The following FMNL2 variants were observed in gnomAD, a reference collection of about 807,000 sequenced individuals.
FMNL2 encodes the protein formin-like protein 2.
Under a neutral mutation model 130.2 loss-of-function variants are expected in FMNL2, and 51 were observed. That is an observed-to-expected ratio of 0.39 (90% CI 0.31 to 0.49). FMNL2 has a LOEUF of 0.49. Among genes scored for constraint, FMNL2 ranks in the 20% least tolerant of loss-of-function variants. The pLI is 0.85. For synonymous variants in FMNL2, 465 were observed against 467.1 expected, an observed-to-expected ratio of 1.00 and a Z score of 0.06; for missense variants, 977 against 1,316.2, an observed-to-expected ratio of 0.74 and a Z score of 3.99.
chr2:152,643,735 G>C (rs752431633), intron 25 of FMNL2: 12 of 985,408 alleles, frequency 1.2e-5, no homozygotes, highest in Non-Finnish European at 1.4e-5. Flanking sequence ...TCACATTGCT[G>C]TAACAGTCTG....
chr2:152,457,649 T>G (rs1689029199), intron 1 of FMNL2, among the ~76,000 whole-genome samples: 1 of 152,190 alleles, frequency 6.6e-6, no homozygotes, highest in Non-Finnish European at 1.5e-5. Context: ...GATGTATGTT[T>G]TCTATTGCTA....
chr2:152,565,419 A>C (rs1463548169), intron 6 of FMNL2, among the ~76,000 whole-genome samples: 1 of 152,150 alleles, frequency 6.6e-6, no homozygotes, highest in Non-Finnish European at 1.5e-5. Context: ...GAATGAGAGA[A>C]GAACCTGTCC....
intron 1 of FMNL2, among the ~76,000 whole-genome samples, chr2:152,384,583 T>G (rs1684679175): frequency 6.6e-6 from 1 of 152,174 alleles, no homozygotes; most frequent in African/African-American, 2.4e-5. Context: ...TCCCTCAGGC[T>G]TCCTGAGTGA....
At chr2:152,633,205 C>T (rs1682300693) in intron 21 of FMNL2, among the ~76,000 whole-genome samples, 1 of 152,012 alleles carries the variant, frequency 6.6e-6, no homozygotes, top group Non-Finnish European at 1.5e-5. Flanking sequence ...AAACGATCCT[C>T]CCACCTCAGC....
Position 152,375,078 on chromosome 2 carries a change from A to G in FMNL2, c.117+39358A>G, listed in dbSNP as rs113815187. Among the ~76,000 whole-genome samples, 922 of 152,362 alleles carry G rather than the reference A, an allele frequency of 6.1e-3. 8 individuals are homozygous for G. Among genetic ancestry groups the G allele is most frequent in the African/African-American group, 0.021 (893 of 41,578 alleles). ...TCACATACATGTATATTTCACATACATATATTTTAATTTTTTACATTTATT... is the reference window on the plus strand; with the variant it reads ...TCACATACATGTATATTTCACATACGTATATTTTAATTTTTTACATTTATT... On this transcript the variant is annotated intron_variant, in intron 1 of 25. Coordinates refer to ENST00000288670, the MANE Select transcript of FMNL2 (RefSeq NM_052905.4).
rs987460364 is a variant in FMNL2, at chr2:152,340,123, C to T, written c.117+4403C>T. Among the ~76,000 whole-genome samples, 10 of 152,150 alleles carry T rather than the reference C, an allele frequency of 6.6e-5. No individual in the cohort carries two copies. The South Asian group carries it at 1.9e-3, about 28-fold the overall frequency. ...ATCATTTGAGTCCTGGAGGTCGAGG[C>T]TGAAGTGAGCTGTGTTCATACCATT... On this transcript the variant is annotated intron_variant, in intron 1 of 25. Coordinates refer to ENST00000288670, the MANE Select transcript of FMNL2 (RefSeq NM_052905.4).
intron 1 of FMNL2, among the ~76,000 whole-genome samples, chr2:152,444,720 A>T (rs1206194106): frequency 2.0e-5 from 3 of 152,204 alleles, no homozygotes; most frequent in Non-Finnish European, 2.9e-5. Flanking sequence ...TAGTTGTGGC[A>T]GCTGTTTCCT....
chr2:152,553,993 A>G (rs1695075655), intron 4 of FMNL2, among the ~76,000 whole-genome samples: 1 of 152,224 alleles, frequency 6.6e-6, no homozygotes, highest in Admixed American at 6.5e-5. Flanking sequence ...TGGTCTTTTC[A>G]GATAATTGGG....
At chr2:152,493,886 G>T (rs1242471769) in intron 1 of FMNL2, among the ~76,000 whole-genome samples, 1 of 152,114 alleles carries the variant, frequency 6.6e-6, no homozygotes, top group African/African-American at 2.4e-5. Flanking sequence ...CTTTAATTTG[G>T]GTTTGTAGGA....
chr2:152,350,348 T>C (rs973113182), intron 1 of FMNL2, among the ~76,000 whole-genome samples: 1 of 152,136 alleles, frequency 6.6e-6, no homozygotes, highest in Non-Finnish European at 1.5e-5. Flanking sequence ...AGGTGGAGGC[T>C]CAGGAGTCTG....
Position 152,622,537 on chromosome 2 carries a change from A to T in FMNL2, c.1837+2819A>T, listed in dbSNP as rs1325670411. Reference sequence around the variant, plus strand: ...TCTGTTCTTTCTGCTTCCACAAAAGATGGGCCAATCAAGCTTTTCTGTAGG... The same window carrying T: ...TCTGTTCTTTCTGCTTCCACAAAAGTTGGGCCAATCAAGCTTTTCTGTAGG... On this transcript the variant is annotated intron_variant, in intron 15 of 25. Transcript: ENST00000288670. The T allele has an allele frequency of 6.6e-6, 3 of 456,730 alleles. No individual in the cohort carries two copies. In the Admixed American group the frequency reaches 7.0e-5, roughly 11 times the overall value. 28.3% of individuals were successfully genotyped at this position (456,730 alleles called of 1,614,324 possible).
chr2:152,408,636 G>T (rs747037041), intron 1 of FMNL2, among the ~76,000 whole-genome samples: 2 of 152,036 alleles, frequency 1.3e-5, no homozygotes, highest in Non-Finnish European at 2.9e-5. Flanking sequence ...AATATTGTAA[G>T]TCAAAAATGC....
intron 1 of FMNL2, among the ~76,000 whole-genome samples, chr2:152,386,137 A>C (rs142237993): frequency 6.6e-6 from 1 of 152,300 alleles, no homozygotes; most frequent in African/African-American, 2.4e-5. Context: ...GAGGAAATGA[A>C]ATGAGCTTCT....
intron 1 of FMNL2, among the ~76,000 whole-genome samples, chr2:152,500,872 G>A (rs1317617816): frequency 6.6e-6 from 1 of 152,126 alleles, no homozygotes; most frequent in East Asian, 1.9e-4. Flanking sequence ...GATGTCTACA[G>A]GAGTCAGTTA....
intron 1 of FMNL2, chr2:152,389,792 A>G: frequency 6.8e-7 from 1 of 1,471,878 alleles, no homozygotes; most frequent in Non-Finnish European, 9.5e-7. Flanking sequence ...CTTCGACGCA[A>G]AACAGACTTT....
At chr2:152,611,189 A>C (rs1698659744) in intron 10 of FMNL2, among the ~76,000 whole-genome samples, 1 of 152,182 alleles carries the variant, frequency 6.6e-6, no homozygotes, top group Admixed American at 6.5e-5. Context: ...AAATACAAAA[A>C]TTAGCTGGGC....
At chr2:152,365,010 A>G (rs1683429239) in intron 1 of FMNL2, among the ~76,000 whole-genome samples, 1 of 152,258 alleles carries the variant, frequency 6.6e-6, no homozygotes, top group Non-Finnish European at 1.5e-5. Flanking sequence ...TGCCCAGCAC[A>G]TAATATATGA....
chr2:152,461,634 G>T (rs946924416), intron 1 of FMNL2, among the ~76,000 whole-genome samples: 1 of 152,144 alleles, frequency 6.6e-6, no homozygotes, highest in African/African-American at 2.4e-5. Context: ...TATTTCAAAT[G>T]CCAATAGCCT....
In FMNL2 at chr2:152,520,283, G is replaced by T. The variant is rs187913603; in HGVS notation, c.118-1660G>T. Reference sequence around the variant, plus strand: ...CTTCAAAGTAATTGTCAGCTTTGAGGGGGGGTGATTAAAATATTAAATATT... The same window carrying T: ...CTTCAAAGTAATTGTCAGCTTTGAGTGGGGGTGATTAAAATATTAAATATT... On this transcript the variant is annotated intron_variant, in intron 1 of 25. Coordinates refer to ENST00000288670, the MANE Select transcript of FMNL2 (RefSeq NM_052905.4). Among the ~76,000 whole-genome samples the T allele has an allele frequency of 3.1e-3, 467 of 152,056 alleles. 3 individuals are homozygous for T. Among genetic ancestry groups the T allele is most frequent in the African/African-American group, 0.011 (450 of 41,466 alleles).
Sources: gnomAD v4.1 joint callset for allele counts (sites outside exome capture counted in the v4.1 genomes callset) on GRCh38, gnomAD v4.1.1 for gene constraint, MANE v1.5 for transcripts, NCBI Gene and HGNC (gene_info 2026-07-23, HGNC 2026-07-21) for gene names.